ELFN2: variants seen among roughly 807,000 people sequenced by gnomAD.
ELFN2 encodes the protein protein phosphatase 1 regulatory subunit 29.
A neutral mutation model predicts 45.5 loss-of-function variants in ELFN2; 17 were observed. The observed-to-expected ratio is 0.37, with a 90% CI of 0.26 to 0.56. The LOEUF (loss-of-function observed/expected upper bound fraction) is 0.56, where lower values mean the gene tolerates loss of function less well. Ranked by LOEUF, ELFN2 falls within the 20% of genes least tolerant of loss-of-function variation. The pLI is 0.77. For missense variants in ELFN2, 922 were observed against 1,183.2 expected (o/e 0.78, Z 3.24); for synonymous variants, 550 against 551.5 (o/e 1.00, Z 0.04).
chr22:37,404,093 C>T (rs1486399413), intron 2 of ELFN2, among the ~76,000 whole-genome samples: 1 of 152,208 alleles, frequency 6.6e-6, no homozygotes, highest in Non-Finnish European at 1.5e-5. Flanking sequence ...GTCAGGAGAA[C>T]TGAGATCAAG....
At position 37,374,082 on chromosome 22, in the gene ELFN2, T is replaced by G. The variant is rs1403528359; in HGVS notation, c.1453A>C (p.Lys485Gln). 3 of 1,613,118 alleles carry G rather than the reference T, an allele frequency of 1.9e-6. No homozygotes were observed. Among genetic ancestry groups the G allele is most frequent in the African/African-American group, 1.3e-5 (1 of 75,046 alleles). The change falls in exon 3 of 3, where the codon AAG becomes CAG. Residue 485 changes from lysine to glutamine, a missense_variant. Transcript: ENST00000402918. ...GTGTCCAGCCCGGCCTCCAACCCCT[T>G]GGCGGTGGGCAGCTTCTCCCCGATC... ...SMIGEKLPTA[K>Q]GLEAGLDTPK...
chr22:37,414,625 C>T (rs1306894072), intron 2 of ELFN2, among the ~76,000 whole-genome samples: 1 of 152,204 alleles, frequency 6.6e-6, no homozygotes, highest in Admixed American at 6.5e-5. Flanking sequence ...AACCCTGCTT[C>T]CATTAATAGT....
chr22:37,419,452 T>C (rs1242225382), intron 1 of ELFN2, among the ~76,000 whole-genome samples: 1 of 151,610 alleles, frequency 6.6e-6, no homozygotes, highest in Non-Finnish European at 1.5e-5. Flanking sequence ...CTCGTGGGCC[T>C]AGAGACCAAG....
At chr22:37,390,976 C>G (rs1026630936) in intron 2 of ELFN2, among the ~76,000 whole-genome samples, 1 of 152,240 alleles carries the variant, frequency 6.6e-6, no homozygotes, top group African/African-American at 2.4e-5. Context: ...TAGACTATGC[C>G]TCTGCTCACC....
At position 37,425,937 on chromosome 22, in the gene ELFN2, C is replaced by T. The variant is rs1002995647; in HGVS notation, c.-614+1361G>A. Among the ~76,000 whole-genome samples the T allele has an allele frequency of 4.6e-5, 7 of 151,192 alleles. No homozygotes were observed. In the East Asian group the frequency reaches 9.8e-4, roughly 21 times the overall value. Reference sequence around the variant, plus strand: ...TCATGATGCAACTTGCATATTAAAACGCCTCTCGGTAACCGCGCCGGGCAG... The same window carrying T: ...TCATGATGCAACTTGCATATTAAAATGCCTCTCGGTAACCGCGCCGGGCAG... On this transcript the variant is annotated intron_variant, in intron 1 of 2. Transcript: ENST00000402918.
rs370176585 is a variant in ELFN2 at position 37,379,024 on chromosome 22, A to G, written c.-462-3028T>C. ...CACACAGCAGGGGGGACAGGGCAGC[A>G]CCCCACATACCCAGGTGGTGAGAGA... On this transcript the variant is annotated intron_variant, in intron 2 of 2. Transcript: ENST00000402918. Among the ~76,000 whole-genome samples the G allele has an allele frequency of 8.7e-4, 132 of 152,254 alleles. 2 individuals carry two copies. Among genetic ancestry groups the G allele is most frequent in the African/African-American group, 3.1e-3 (129 of 41,540 alleles).
At chr22:37,345,525 T>A (rs1930675692) in intron 1 of ELFN2, among the ~76,000 whole-genome samples, 1 of 149,478 alleles carries the variant, frequency 6.7e-6, no homozygotes, top group East Asian at 2.0e-4. Context: ...ATGTCCTCCT[T>A]GTTTTTTGTT....
downstream of ELFN2, among the ~76,000 whole-genome samples, chr22:37,363,232 T>C (rs1382573052): frequency 2.6e-5 from 4 of 152,236 alleles, no homozygotes; most frequent in Admixed American, 2.6e-4. Flanking sequence ...CAGAGAATTC[T>C]GTTCTCTGCA....
chr22:37,397,658 C>T (rs1330441495), intron 2 of ELFN2, among the ~76,000 whole-genome samples: 1 of 152,204 alleles, frequency 6.6e-6, no homozygotes, highest in African/African-American at 2.4e-5. Context: ...TATGTGGGGA[C>T]GTGGGGCTCT....
intron 1 of ELFN2, among the ~76,000 whole-genome samples, chr22:37,418,671 C>T (rs757288723): frequency 6.6e-6 from 1 of 151,910 alleles, no homozygotes; most frequent in African/African-American, 2.4e-5. Context: ...TCACCAACGC[C>T]GCCCAACCCC....
downstream of ELFN2, among the ~76,000 whole-genome samples, chr22:37,366,804 G>C (rs2145626340): frequency 6.6e-6 from 1 of 152,374 alleles, no homozygotes; most frequent in South Asian, 2.1e-4. Context: ...CTGGCTGGCT[G>C]TGGCCCCCTT....
chr22:37,356,390 C>T (rs1930950575), intron 1 of ELFN2, among the ~76,000 whole-genome samples: 3 of 152,222 alleles, frequency 2.0e-5, no homozygotes, highest in African/African-American at 2.4e-5. Context: ...GGGGCATATG[C>T]GCCAAGTTAC....
intron 2 of ELFN2, among the ~76,000 whole-genome samples, chr22:37,386,882 C>A (rs924000627): frequency 2.0e-5 from 3 of 152,214 alleles, no homozygotes; most frequent in African/African-American, 7.2e-5. Context: ...ACCCCGTGGT[C>A]CTGGCAAGCT....
At chr22:37,414,757 G>T (rs113216076) in intron 2 of ELFN2, among the ~76,000 whole-genome samples, 1 of 152,126 alleles carries the variant, frequency 6.6e-6, no homozygotes, top group Non-Finnish European at 1.5e-5. Flanking sequence ...AGCCTTGGGC[G>T]GTCTCACTTA....
intron 1 of ELFN2, among the ~76,000 whole-genome samples, chr22:37,423,751 C>T (rs1932827782): frequency 6.6e-6 from 1 of 152,126 alleles, no homozygotes; most frequent in Non-Finnish European, 1.5e-5. Context: ...CCTCTGGCAC[C>T]CCAGGCATAA....
intron 2 of ELFN2, among the ~76,000 whole-genome samples, chr22:37,381,322 G>A (rs75890267): frequency 1.5e-4 from 2 of 13,780 alleles, no homozygotes; most frequent in Non-Finnish European, 3.4e-4. Context: ...TTCTGCCCCT[G>A]TCAGAGGAAA....
In ELFN2 at chr22:37,417,837, G is replaced by A; in HGVS notation, c.-531C>T. On this transcript the variant is annotated 5_prime_UTR_variant, in exon 2 of 3. Transcript: ENST00000402918. The surrounding 1 kb of genome is among the most constrained non-coding windows in gnomAD (Gnocchi z 4.5). ...CCTGGGTCTCAGAAAGGTTCCCCAG[G>A]CAGCAGCGGCAGCAGTAGCAATGAG... The A allele has an allele frequency of 6.5e-6, 1 of 153,172 alleles. No homozygotes were observed. The highest frequency in any genetic ancestry group is 1.5e-5 in the Non-Finnish European group (1 of 68,710). 9.5% of individuals were successfully genotyped at this position (153,172 alleles called of 1,614,324 possible). A position where few individuals can be genotyped will look rare whatever the true frequency, so the allele number is the denominator to read the frequency against.
downstream of ELFN2, among the ~76,000 whole-genome samples, chr22:37,365,840 A>G (rs530676681): frequency 2.0e-5 from 3 of 152,358 alleles, no homozygotes; most frequent in African/African-American, 7.2e-5. Context: ...TCACCCCAGA[A>G]AAAATAACAC....
intron 2 of ELFN2, among the ~76,000 whole-genome samples, chr22:37,386,656 G>T (rs1327060071): frequency 6.6e-6 from 1 of 152,206 alleles, no homozygotes; most frequent in African/African-American, 2.4e-5. Flanking sequence ...AGAACAAGGA[G>T]GCTCTGTCGG....
Sources: gnomAD v4.1 joint callset for allele counts (sites outside exome capture counted in the v4.1 genomes callset) on GRCh38, gnomAD v4.1.1 for gene constraint, Gnocchi (gnomAD v3.1) non-coding constraint, MANE v1.5 for transcripts, NCBI Gene and HGNC (gene_info 2026-07-23, HGNC 2026-07-21) for gene names.